Variants in HEG1 observed in about 807,000 individuals in gnomAD.
HEG1 encodes the protein protein HEG homolog 1.
HEG1 carries 56 observed loss-of-function variants against 125.6 expected under a neutral mutation model. That is an observed-to-expected ratio of 0.45 (90% CI 0.36 to 0.56). The LOEUF (loss-of-function observed/expected upper bound fraction) is 0.56. Among genes scored for constraint, HEG1 ranks in the 20% least tolerant of loss-of-function variants. The probability of loss-of-function intolerance (pLI) is 0.00; values close to 1 mark genes in which losing one functional copy is unlikely to be tolerated. For synonymous variants in HEG1, 644 were observed against 668.5 expected, an observed-to-expected ratio of 0.96 and a Z score of 0.57; for missense variants, 1,523 against 1,670.0, an observed-to-expected ratio of 0.91 and a Z score of 1.53.
chr3:124,979,879 G>A (rs1936618657), intron 14 of HEG1, among the ~76,000 whole-genome samples: 1 of 152,146 alleles, frequency 6.6e-6, no homozygotes, highest in Non-Finnish European at 1.5e-5. Context: ...GCAACAGGTA[G>A]ACTATGAGCA....
chr3:125,022,471 A>G (rs1448632643), intron 3 of HEG1, among the ~76,000 whole-genome samples: 1 of 152,016 alleles, frequency 6.6e-6, no homozygotes, highest in East Asian at 1.9e-4. Flanking sequence ...GTGCAAAACC[A>G]TAAAACCAGC....
At chr3:125,037,027 T>G (rs1412538326) in intron 1 of HEG1, among the ~76,000 whole-genome samples, 1 of 152,196 alleles carries the variant, frequency 6.6e-6, no homozygotes, top group African/African-American at 2.4e-5. Flanking sequence ...TTGTTTATAA[T>G]AATGAAAAGT....
At chr3:124,989,283 A>G (rs1936791388) in intron 14 of HEG1, among the ~76,000 whole-genome samples, 1 of 152,240 alleles carries the variant, frequency 6.6e-6, no homozygotes, top group African/African-American at 2.4e-5. Context: ...CTTTACGAAC[A>G]AAGAAAACAC....
chr3:125,050,005 CT>C, intron 1 of HEG1, among the ~76,000 whole-genome samples: 1 of 152,266 alleles, frequency 6.6e-6, no homozygotes, highest in South Asian at 2.1e-4. Flanking sequence ...TCTTCAATGA[CT>C]AGTTGATTTG....
Position 125,012,941 on chromosome 3 carries a change from G to C in HEG1, c.2638C>G (p.Gln880Glu). 1 of 1,614,080 alleles carries C rather than the reference G, an allele frequency of 6.2e-7. No homozygotes were observed. The highest frequency in any genetic ancestry group is 1.3e-5 in the African/African-American group (1 of 75,060). ...PIAVQTTAGK[Q>E]LSLTHPEILV... is the part of the protein sequence containing the mutation. ...ATTTCAGGATGGGTCAGCGAGAGCT[G>C]TTTTCCAGCTGTAGTCTGTACGGCT... The change falls in exon 6 of 17, where the codon CAG (glutamine) becomes GAG (glutamate). Residue 880 changes from glutamine (Q) to glutamate (E), a missense_variant. By Grantham distance (29) the Gln-to-Glu change is conservative. Transcript: ENST00000311127.
chr3:125,038,734 A>G (rs1937568354), intron 1 of HEG1, among the ~76,000 whole-genome samples: 1 of 152,100 alleles, frequency 6.6e-6, no homozygotes, highest in Non-Finnish European at 1.5e-5. Context: ...AGTAATTTGG[A>G]ATAAACCTGC....
At position 125,013,909 on chromosome 3, in the gene HEG1, A is replaced by T. The variant is rs751559697; in HGVS notation, c.1670T>A (p.Leu557Gln). The change falls in exon 6 of 17, where the codon CTG becomes CAG. Residue 557 changes from leucine (L) to glutamine (Q), a missense_variant. Transcript: ENST00000311127. ...TTCTCCTTTGGTGAAAGTAGATGACAGGTAGGTGTGGTCTGTGTGGTCGCT... is the reference window on the plus strand; with the variant it reads ...TTCTCCTTTGGTGAAAGTAGATGACTGGTAGGTGTGGTCTGTGTGGTCGCT... ...TSSDHTDHTY[L>Q]SSTFTKGERA... 1 of 1,613,120 alleles carries T rather than the reference A, an allele frequency of 6.2e-7. No homozygotes were observed. The highest frequency in any genetic ancestry group is 8.5e-7 in the Non-Finnish European group (1 of 1,179,562).
At chr3:125,031,414 G>A (rs145059632) in intron 1 of HEG1, among the ~76,000 whole-genome samples, 1 of 152,196 alleles carries the variant, frequency 6.6e-6, no homozygotes, top group East Asian at 1.9e-4. Flanking sequence ...ACTGAGCAAG[G>A]GTGAGGACAG....
rs777764104 is a variant in HEG1 at position 124,997,794 on chromosome 3, C to T, written c.3547G>A (p.Glu1183Lys). 37 of 1,589,136 alleles carry T rather than the reference C, an allele frequency of 2.3e-5. 1 individual carries two copies. The highest frequency in any genetic ancestry group is 1.3e-4 in the South Asian group (11 of 87,048). ...AGSLCKRKSPECDKDTSICTD... is the reference protein window; with the variant it reads ...AGSLCKRKSPKCDKDTSICTD... Reference sequence around the variant, plus strand: ...CAGATGGAGGTGTCTTTGTCACATTCGGGACTCTTCCGCTTGCACAAGCTG... The same window carrying T: ...CAGATGGAGGTGTCTTTGTCACATTTGGGACTCTTCCGCTTGCACAAGCTG... The change falls in exon 12 of 17, where the codon GAA becomes AAA. Residue 1183 changes from glutamate to lysine, a missense_variant. Glu to Lys is a moderately conservative substitution (Grantham distance 56, BLOSUM62 1). Transcript: ENST00000311127.
In HEG1 at chr3:125,001,852, C is replaced by A; in HGVS notation, c.3517G>T (p.Ala1173Ser). 1 of 1,612,072 alleles carries A rather than the reference C, an allele frequency of 6.2e-7. No homozygotes were observed. The highest frequency in any genetic ancestry group is 1.1e-5 in the South Asian group (1 of 90,454). ...LLGSQRRIFR[A>S]GSLCKRKSPE... ...TCCTCCCAGAGGGCTGCCCTCTTAC[C>A]TCTAAAGATCCGCCTCTGAGATCCC... is the stretch of plus-strand genomic sequence containing the variant. Residue 1173 changes from alanine to serine, a missense_variant and splice_region_variant, in exon 11 of 17, where the codon GCG becomes TCG. Physicochemically the swap from Ala to Ser is moderately conservative, Grantham distance 99 (BLOSUM62 1). Coordinates refer to ENST00000311127, the MANE Select transcript of HEG1 (RefSeq NM_020733.2).
chr3:124,981,819 T>C (rs1042758858), intron 14 of HEG1, among the ~76,000 whole-genome samples: 7 of 152,212 alleles, frequency 4.6e-5, no homozygotes, highest in African/African-American at 1.7e-4. Flanking sequence ...TGCTTTTCTG[T>C]ATTTCCCAAA....
At position 124,966,909 on chromosome 3, in the gene HEG1, C is replaced by T. The variant is rs1936324090; in HGVS notation, c.*3743G>A. ...GTGCCTGCTCTGGGAACTTTCACAT[C>T]TGAATAGGTGTCATCCTTCAATGGC... On this transcript the variant is annotated 3_prime_UTR_variant, in exon 17 of 17. Coordinates refer to ENST00000311127, the MANE Select transcript of HEG1 (RefSeq NM_020733.2). 6.6e-6 allele frequency: 1 copy of T among 152,244 alleles called. No individual in the cohort carries two copies. The highest frequency in any genetic ancestry group is 1.5e-5 in the Non-Finnish European group (1 of 68,054). The allele number at this position is 152,244 out of a possible 1,614,324, so 9.4% of individuals were successfully genotyped here.
intron 15 of HEG1, among the ~76,000 whole-genome samples, 178 bp downstream of exon 15, chr3:124,977,679 CTT>C (rs1936570598): frequency 6.6e-6 from 1 of 152,186 alleles, no homozygotes; most frequent in Non-Finnish European, 1.5e-5. Context: ...TACTCCCCTT[CTT>C]TTTCCTCACA....
At chr3:125,007,726 A>G (rs1192252795) in intron 8 of HEG1, among the ~76,000 whole-genome samples, 1 of 152,186 alleles carries the variant, frequency 6.6e-6, no homozygotes, top group Non-Finnish European at 1.5e-5. Flanking sequence ...GCCATGTGCT[A>G]TAGGTGGTGG....
chr3:124,971,846 T>A (rs1362146759), intron 16 of HEG1: 1 of 142,986 alleles, frequency 7.0e-6, no homozygotes, highest in African/African-American at 2.7e-5. Context: ...TGGAGTGCAA[T>A]GGCACAAACA....
At chr3:124,977,381 T>A (rs1271002968) in intron 15 of HEG1, among the ~76,000 whole-genome samples, 1 of 152,226 alleles carries the variant, frequency 6.6e-6, no homozygotes, top group South Asian at 2.1e-4. Flanking sequence ...CTGTATCTCT[T>A]CTTTGAAGAA....
intron 14 of HEG1, among the ~76,000 whole-genome samples, chr3:124,981,463 T>C (rs903896103): frequency 3.9e-5 from 6 of 152,184 alleles, no homozygotes; most frequent in African/African-American, 1.2e-4. Context: ...AGCACTGGCA[T>C]AGACGAGGGC....
rs1936367217 is a variant in HEG1 at position 124,968,731 on chromosome 3, A to T, written c.*1921T>A. On this transcript the variant is annotated 3_prime_UTR_variant, in exon 17 of 17. Transcript: ENST00000311127. Reference sequence around the variant, plus strand: ...TGCTGCGGAAGGAGCCAAGAAGCCTAGTCTGTGGGCTCAGGTGAGCTGCAG... The same window carrying T: ...TGCTGCGGAAGGAGCCAAGAAGCCTTGTCTGTGGGCTCAGGTGAGCTGCAG... The T allele has an allele frequency of 6.6e-6, 1 of 152,214 alleles. No homozygotes were observed. Among genetic ancestry groups the T allele is most frequent in the South Asian group, 2.1e-4 (1 of 4,822 alleles). The allele number at this position is 152,214 out of a possible 1,614,324, so 9.4% of individuals were successfully genotyped here.
At chr3:125,024,590 G>C (rs1270165288) in intron 3 of HEG1, among the ~76,000 whole-genome samples, 1 of 152,202 alleles carries the variant, frequency 6.6e-6, no homozygotes, top group East Asian at 1.9e-4. Flanking sequence ...AATTTCCAAT[G>C]GTTTCTGATC....
Sources: gnomAD v4.1 joint callset for allele counts (sites outside exome capture counted in the v4.1 genomes callset) on GRCh38, gnomAD v4.1.1 for gene constraint, MANE v1.5 for transcripts, NCBI Gene and HGNC (gene_info 2026-07-23, HGNC 2026-07-21) for gene names.